Variants in ANO2 observed in about 807,000 individuals in gnomAD.
ANO2 encodes anoctamin-2.
In ANO2, 101 loss-of-function variants were observed where a neutral mutation model predicts 124.2. The observed-to-expected ratio is 0.81, with a 90% CI of 0.69 to 0.96. The LOEUF (loss-of-function observed/expected upper bound fraction) is 0.96. Among genes scored for constraint, ANO2 ranks in the 40% least tolerant of loss-of-function variants. ANO2 has a pLI of 0.00. For missense variants in ANO2, 1,293 were observed against 1,274.5 expected (o/e 1.01, Z -0.22); for synonymous variants, 486 against 482.5 (o/e 1.01, Z -0.09).
At chr12:5,848,195 T>C (rs1301834314) in intron 4 of ANO2, among the ~76,000 whole-genome samples, 3 of 152,206 alleles carry the variant, frequency 2.0e-5, no homozygotes, top group African/African-American at 7.2e-5. Context: ...AGGAAAAATT[T>C]GCCTCCTTTG....
At chr12:5,621,297 G>A (rs1945107071) in intron 16 of ANO2, among the ~76,000 whole-genome samples, 1 of 152,118 alleles carries the variant, frequency 6.6e-6, no homozygotes, top group South Asian at 2.1e-4. Flanking sequence ...ATGAGTGAAT[G>A]AATGACAGGA....
intron 1 of ANO2, among the ~76,000 whole-genome samples, chr12:5,940,858 A>G (rs1942866128): frequency 6.6e-6 from 1 of 152,256 alleles, no homozygotes; most frequent in African/African-American, 2.4e-5. Context: ...ACAAATGCCC[A>G]TGAACTGGCA....
intron 20 of ANO2, among the ~76,000 whole-genome samples, chr12:5,586,111 C>T (rs1004070402): frequency 3.9e-4 from 60 of 152,198 alleles, no homozygotes; most frequent in African/African-American, 1.4e-3. Context: ...TTCCTTCCCT[C>T]CTCAAGCACT....
intron 8 of ANO2, among the ~76,000 whole-genome samples, chr12:5,806,645 G>A (rs549618554): frequency 1.3e-3 from 198 of 152,290 alleles, no homozygotes; most frequent in Non-Finnish European, 2.4e-3. Flanking sequence ...TTACATTCTC[G>A]TAAACTGTCT....
chr12:5,677,280 G>A (rs936196773), intron 14 of ANO2, among the ~76,000 whole-genome samples: 2 of 152,060 alleles, frequency 1.3e-5, no homozygotes, highest in African/African-American at 4.8e-5. Flanking sequence ...AAACCATTAT[G>A]TCCCCAAAGG....
intron 20 of ANO2, among the ~76,000 whole-genome samples, chr12:5,592,476 G>A (rs1366287018): frequency 6.6e-5 from 10 of 152,148 alleles, no homozygotes. Context: ...GAGATAACCA[G>A]ATACACACAC....
intron 4 of ANO2, among the ~76,000 whole-genome samples, chr12:5,848,056 C>T (rs1046165542): frequency 6.6e-6 from 1 of 152,228 alleles, no homozygotes; most frequent in African/African-American, 2.4e-5. Context: ...CTCAACTACA[C>T]TTTAACATTA....
chr12:5,869,848 G>T (rs1417786657), intron 3 of ANO2, among the ~76,000 whole-genome samples: 8 of 152,090 alleles, frequency 5.3e-5, no homozygotes, highest in Non-Finnish European at 8.8e-5. Flanking sequence ...CAATAATCAT[G>T]ATAAAAATAA....
At chr12:5,657,442 G>A (rs982451906) in intron 14 of ANO2, among the ~76,000 whole-genome samples, 5 of 151,956 alleles carry the variant, frequency 3.3e-5, no homozygotes, top group Non-Finnish European at 5.9e-5. Context: ...GAGAAACAGC[G>A]AAACTCCAGA....
At chr12:5,848,193 T>G (rs1954745541) in intron 4 of ANO2, among the ~76,000 whole-genome samples, 1 of 152,118 alleles carries the variant, frequency 6.6e-6, no homozygotes, top group Admixed American at 6.5e-5. Context: ...ACAGGAAAAA[T>G]TTGCCTCCTT....
chr12:5,732,913 A>C, intron 13 of ANO2: 1 of 1,613,714 alleles, frequency 6.2e-7, no homozygotes, highest in Non-Finnish European at 8.5e-7. Flanking sequence ...AAAGAGAGGA[A>C]ATGTTAACTG....
At chr12:5,641,196 G>T (rs182890388) in intron 15 of ANO2, among the ~76,000 whole-genome samples, 3 of 148,142 alleles carry the variant, frequency 2.0e-5, no homozygotes, top group Non-Finnish European at 4.5e-5. Flanking sequence ...GACACAGGGC[G>T]AGGAACATCA....
At chr12:5,570,702 T>A (rs1942057445) in intron 23 of ANO2, among the ~76,000 whole-genome samples, 1 of 152,214 alleles carries the variant, frequency 6.6e-6, no homozygotes, top group South Asian at 2.1e-4. Context: ...GCTTTTGTTA[T>A]GTAATGAATC....
chr12:5,944,738 C>T (rs1943026557), intron 1 of ANO2, among the ~76,000 whole-genome samples: 1 of 152,134 alleles, frequency 6.6e-6, no homozygotes, highest in African/African-American at 2.4e-5. Context: ...TGAGAGGCCA[C>T]TCCAGGGATG....
chr12:5,635,296 T>C lies in ANO2; in HGVS notation c.1672A>G (p.Thr558Ala). 5.0e-6 allele frequency: 8 copies of C among 1,607,752 alleles called. No homozygotes were observed. The highest frequency in any genetic ancestry group is 6.8e-6 in the Non-Finnish European group (8 of 1,178,180). The change falls in exon 16 of 25, where the codon ACT becomes GCT. Residue 558 changes from threonine to alanine, a missense_variant. By Grantham distance (58) the Thr-to-Ala change is moderately conservative (BLOSUM62 0). Coordinates refer to ENST00000682330, the MANE Select transcript of ANO2 (RefSeq NM_001364791.2). The surrounding 1 kb of genome is among the most constrained non-coding windows in gnomAD (Gnocchi z 5.2). ...TTATTGAGAGACAGAGCGGCTGCAG[T>C]TGTTATTCGATACACTATCACCCCA... ...VFGVIVYRIT[T>A]AAALSLNKAT...
chr12:5,721,291 C>A (rs368323387), intron 14 of ANO2, among the ~76,000 whole-genome samples: 2 of 152,126 alleles, frequency 1.3e-5, no homozygotes, highest in South Asian at 2.1e-4. Flanking sequence ...GAGAGAAGTC[C>A]GTGGGAGGCC....
intron 9 of ANO2, among the ~76,000 whole-genome samples, chr12:5,803,180 A>C (rs1953094741): frequency 1.3e-5 from 2 of 152,168 alleles, no homozygotes; most frequent in African/African-American, 4.8e-5. Flanking sequence ...TCCTGAATGG[A>C]AGAGACTTAG....
In ANO2 at chr12:5,563,198, GC is replaced by G; in HGVS notation, c.*100del. 1 of 1,448,962 alleles carries G rather than the reference GC, an allele frequency of 6.9e-7. No homozygotes were observed. The highest frequency in any genetic ancestry group is 9.2e-7 in the Non-Finnish European group (1 of 1,089,874). The allele number at this position is 1,448,962 out of a possible 1,614,324, so 89.8% of individuals were successfully genotyped here. ...CCTCTTCAAGACCCCATCAAGCCAG[GC>G]CCCTGCAGACAGACAGCACGCCATG... is the stretch of plus-strand genomic sequence containing the variant. On this transcript the variant is annotated 3_prime_UTR_variant, in exon 25 of 25. Transcript: ENST00000682330.
rs1314739309 is a variant in ANO2 at position 5,665,864 on chromosome 12, AC to A, written c.1546-18064del. 2.0e-5 allele frequency among the ~76,000 whole-genome samples: 3 copies of A among 151,514 alleles called. No homozygotes were observed. The East Asian group carries it at 5.8e-4, about 29-fold the overall frequency. ...ACTCTGTACCACAGGGTACAGAGCCACCCCCCTGTGCCACTGGCTGGGGGAT... is the reference window on the plus strand; with the variant it reads ...ACTCTGTACCACAGGGTACAGAGCCACCCCCTGTGCCACTGGCTGGGGGAT... On this transcript the variant is annotated intron_variant, in intron 14 of 24. Coordinates refer to ENST00000682330, the MANE Select transcript of ANO2 (RefSeq NM_001364791.2).
Sources: allele counts gnomAD v4.1 joint callset (sites outside exome capture counted in the v4.1 genomes callset), GRCh38; gene constraint gnomAD v4.1.1; non-coding constraint Gnocchi (gnomAD v3.1); transcripts MANE v1.5; gene names NCBI Gene and HGNC (gene_info 2026-07-23, HGNC 2026-07-21).